The following KIF14 variants were observed in gnomAD, a reference collection of about 807,000 sequenced individuals.
KIF14 encodes kinesin-like protein KIF14.
KIF14 carries 98 observed loss-of-function variants against 176.2 expected under a neutral mutation model. That is an observed-to-expected ratio of 0.56 (90% CI 0.47 to 0.66). The LOEUF is 0.66. Among genes scored for constraint, KIF14 ranks in the 30% least tolerant of loss-of-function variants. The probability of loss-of-function intolerance (pLI) is 0.00; values close to 1 mark genes in which losing one functional copy is unlikely to be tolerated. For synonymous variants in KIF14, 566 were observed against 632.2 expected (o/e 0.90, Z 1.57); for missense variants, 1,751 against 1,920.4 (o/e 0.91, Z 1.65).
intron 5 of KIF14, among the ~76,000 whole-genome samples, chr1:200,608,404 G>T (rs953457008): frequency 6.9e-6 from 1 of 145,478 alleles, no homozygotes; most frequent in African/African-American, 2.6e-5. Flanking sequence ...TCACTCTGTC[G>T]CCCAGGCTGG....
intron 4 of KIF14, among the ~76,000 whole-genome samples, chr1:200,610,036 GGAA>G (rs1374779829): frequency 2.6e-5 from 4 of 152,190 alleles, no homozygotes; most frequent in Non-Finnish European, 5.9e-5. Context: ...CCAGGGATTG[GGAA>G]GAAGGGGGAA....
chr1:200,552,930 T>TA lies in KIF14; in HGVS notation c.*457dup, dbSNP rs1349079198. 1.6e-5 allele frequency: 1 copy of TA among 60,804 alleles called. No homozygotes were observed. The allele number at this position is 60,804 out of a possible 1,614,324, so 3.8% of individuals were successfully genotyped here. A position where few individuals can be genotyped will look rare whatever the true frequency, so the allele number is the denominator to read the frequency against. ...TAAAAATATATTTTATTTATTTATT[T>TA]ATTTATTTATTTATTTATTTATTTA... is the stretch of plus-strand genomic sequence containing the variant. On this transcript the variant is annotated 3_prime_UTR_variant, in exon 30 of 30. Coordinates refer to ENST00000367350, the MANE Select transcript of KIF14 (RefSeq NM_014875.3).
At chr1:200,614,790 C>CAAAA (rs67447333) in intron 3 of KIF14, among the ~76,000 whole-genome samples, 54 of 74,870 alleles carry the variant, frequency 7.2e-4, no homozygotes, top group East Asian at 8.9e-4. Context: ...AACCTTGCTA[C>CAAAA]AAAAAAAAAA....
intron 27 of KIF14, among the ~76,000 whole-genome samples, chr1:200,556,001 G>A (rs980321645): frequency 2.6e-5 from 4 of 152,106 alleles, no homozygotes; most frequent in African/African-American, 9.7e-5. Context: ...AACATATCAA[G>A]CAAATACTAT....
intron 23 of KIF14, 38 bp downstream of exon 23, chr1:200,569,873 C>T (rs1416851721): frequency 9.5e-6 from 11 of 1,152,428 alleles, no homozygotes; most frequent in African/African-American, 1.5e-5. Flanking sequence ...GGACTCAATG[C>T]TTTTCTCGCC....
chr1:200,618,196 G>A lies in KIF14; in HGVS notation c.528C>T (p.Ala176=), dbSNP rs778544468. 3.7e-6 allele frequency: 6 copies of A among 1,613,740 alleles called. No individual in the cohort carries two copies. The highest frequency in any genetic ancestry group is 3.3e-5 in the South Asian group (3 of 91,078). Residue 176 remains alanine, a synonymous_variant, in exon 2 of 30, where the codon GCC becomes GCT. Transcript: ENST00000367350. ...IVNNAKNSFV[A]SSVPLDEDPQ... is the part of the protein sequence containing the mutation. Reference sequence around the variant, plus strand: ...GATCTTCATCTAAAGGTACAGAAGAGGCAACAAAAGAGTTTTTAGCATTAT... The same window carrying A: ...GATCTTCATCTAAAGGTACAGAAGAAGCAACAAAAGAGTTTTTAGCATTAT...
intron 11 of KIF14, 54 bp downstream of exon 11, chr1:200,601,842 T>C: frequency 2.2e-6 from 3 of 1,354,384 alleles, no homozygotes; most frequent in East Asian, 2.3e-5. Context: ...CTGCAACTAA[T>C]ATCTGGGACT....
chr1:200,598,497 A>G (rs1659474563), intron 13 of KIF14, 76 bp from the exon 14 acceptor site: 4 of 973,164 alleles, frequency 4.1e-6, no homozygotes, highest in Non-Finnish European at 6.0e-6. Flanking sequence ...CAAATGGTCT[A>G]TATTAAACAT....
chr1:200,555,772 T>C (rs2102554900), intron 27 of KIF14, among the ~76,000 whole-genome samples: 1 of 152,276 alleles, frequency 6.6e-6, no homozygotes, highest in African/African-American at 2.4e-5. Flanking sequence ...TTAAACACAT[T>C]GATCATATAC....
chr1:200,569,035 C>T (rs1657631660), intron 23 of KIF14, among the ~76,000 whole-genome samples: 1 of 151,558 alleles, frequency 6.6e-6, no homozygotes, highest in Admixed American at 6.6e-5. Context: ...AAGCGATTCT[C>T]CCGCCTCAGC....
intron 19 of KIF14, among the ~76,000 whole-genome samples, chr1:200,585,225 A>G (rs2102669427): frequency 6.6e-6 from 1 of 150,846 alleles, no homozygotes; most frequent in Non-Finnish European, 1.5e-5. Context: ...AGTATATCCT[A>G]AGTGTCCTCA....
At chr1:200,555,033 T>A (rs1656759316) in intron 28 of KIF14, among the ~76,000 whole-genome samples, 1 of 152,162 alleles carries the variant, frequency 6.6e-6, no homozygotes, top group African/African-American at 2.4e-5. Flanking sequence ...ATGGGAATAA[T>A]CTATCTAATT....
intron 4 of KIF14, among the ~76,000 whole-genome samples, chr1:200,612,000 C>CTTTTT (rs79821962): frequency 6.7e-6 from 1 of 148,612 alleles, no homozygotes; most frequent in Non-Finnish European, 1.5e-5. Flanking sequence ...AGTCCATGCT[C>CTTTTT]TTTTTTTTTT....
rs1431952907 is a variant in KIF14, at chr1:200,553,370, G to C, written c.*18C>G. 1 of 1,547,344 alleles carries C rather than the reference G, an allele frequency of 6.5e-7. No individual in the cohort carries two copies. The highest frequency in any genetic ancestry group is 1.4e-5 in the African/African-American group (1 of 72,032). ...TTTTCTTTCATGGGTGGTCATAAAA[G>C]TGCCTACACATCAGTATTCACACCC... On this transcript the variant is annotated 3_prime_UTR_variant, in exon 30 of 30. Transcript: ENST00000367350.
At chr1:200,576,320 TA>T (rs1209890625) in intron 21 of KIF14, among the ~76,000 whole-genome samples, 1 of 151,458 alleles carries the variant, frequency 6.6e-6, no homozygotes, top group Admixed American at 6.6e-5. Context: ...CTACTAAAAA[TA>T]CAAAAAATTA....
Position 200,553,645 on chromosome 1 carries a change from T to C in KIF14, c.4690A>G (p.Thr1564Ala), listed in dbSNP as rs200701567. Residue 1564 changes from threonine to alanine, a missense_variant, in exon 30 of 30, where the codon ACT becomes GCT. Thr to Ala is a moderately conservative substitution (Grantham distance 58). Transcript: ENST00000367350. ...TCTAGTTCCTGGTGGACAATGTGAG[T>C]TACTCTACTCTCATAGCTGCCAACA... Reference protein sequence around the residue: ...TSVGSYESRVTHIVHQELESL... With the variant: ...TSVGSYESRVAHIVHQELESL... 4.6e-5 allele frequency: 74 copies of C among 1,613,974 alleles called. 1 individual carries two copies. The South Asian group carries it at 7.5e-4, about 16-fold the overall frequency.
At chr1:200,578,752 T>C (rs1410614847) in intron 21 of KIF14, among the ~76,000 whole-genome samples, 2 of 152,196 alleles carry the variant, frequency 1.3e-5, no homozygotes, top group Non-Finnish European at 2.9e-5. Context: ...CTTATCAAAA[T>C]ATGTAAATAA....
In KIF14 at chr1:200,593,706, T is replaced by A; in HGVS notation, c.2613A>T (p.Val871=). ...TGATTTCCAAAATATGTTTTCCATT[T>A]ACATATGTCTTTGCTTCCCCAACTG... ...IIPVGEAKTY[V]NGKHILEITV... Residue 871 remains valine (V), a synonymous_variant, in exon 15 of 30, where the codon GTA becomes GTT. Transcript: ENST00000367350. 6.2e-7 allele frequency: 1 copy of A among 1,612,804 alleles called. No homozygotes were observed. Among genetic ancestry groups the A allele is most frequent in the Non-Finnish European group, 8.5e-7 (1 of 1,179,022 alleles).
chr1:200,577,778 TTTTG>T (rs146382420), intron 21 of KIF14, among the ~76,000 whole-genome samples: 80,918 of 151,362 alleles, frequency 0.53, 22,245 homozygotes, highest in East Asian at 0.69. Flanking sequence ...TTATTGTGGT[TTTTG>T]TTTGTTTGTT....
Sources: gnomAD v4.1 joint callset for allele counts (sites outside exome capture counted in the v4.1 genomes callset) on GRCh38, gnomAD v4.1.1 for gene constraint, MANE v1.5 for transcripts, NCBI Gene and HGNC (gene_info 2026-07-23, HGNC 2026-07-21) for gene names.